Variants in FLRT2 observed in about 807,000 individuals in gnomAD.
FLRT2 encodes the protein fibronectin leucine rich transmembrane protein 2.
A neutral mutation model predicts 40.0 loss-of-function variants in FLRT2; 15 were observed. The observed-to-expected ratio is 0.38, with a 90% CI of 0.25 to 0.58. The LOEUF is 0.58. Among genes scored for constraint, FLRT2 ranks in the 20% least tolerant of loss-of-function variants. The pLI, the probability that FLRT2 is intolerant of heterozygous loss-of-function variation, is 0.71. For synonymous variants in FLRT2, 380 were observed against 336.8 expected (o/e 1.13, Z -1.41); for missense variants, 726 against 840.0 (o/e 0.86, Z 1.68).
intron 1 of FLRT2, among the ~76,000 whole-genome samples, chr14:85,558,163 T>G (rs866486336): frequency 2.4e-4 from 36 of 152,150 alleles, no homozygotes; most frequent in African/African-American, 8.2e-4. Flanking sequence ...GGAATATATG[T>G]GCATGTGCAT....
At chr14:85,531,103 T>A (rs1436364727) in intron 1 of FLRT2, 1 of 152,378 alleles carries the variant, frequency 6.6e-6, no homozygotes, top group Non-Finnish European at 1.5e-5. Context: ...ACCAAGTCCC[T>A]TCCAGCCCTG....
chr14:85,584,609 C>G (rs1891534445), intron 1 of FLRT2, among the ~76,000 whole-genome samples: 1 of 152,228 alleles, frequency 6.6e-6, no homozygotes, highest in South Asian at 2.1e-4. Context: ...GCCTCCATGC[C>G]TGCTCCTCTG....
Position 85,530,364 on chromosome 14 carries a change from G to C in FLRT2, c.-547G>C, listed in dbSNP as rs546450205. The C allele has an allele frequency of 7.7e-4, 117 of 152,742 alleles. No homozygotes were observed. The highest frequency in any genetic ancestry group is 2.5e-3 in the African/African-American group (105 of 41,574). The allele number at this position is 152,742 out of a possible 1,614,324, so 9.5% of individuals were successfully genotyped here. On this transcript the variant is annotated 5_prime_UTR_variant, in exon 1 of 2. Transcript: ENST00000330753. ...CGCCGCCGTGTCCACCGAGCCCTGGGATCAGGGTGGCAGTTCTCAACGATG... is the reference window on the plus strand; with the variant it reads ...CGCCGCCGTGTCCACCGAGCCCTGGCATCAGGGTGGCAGTTCTCAACGATG...
chr14:85,588,907 A>G (rs1419150264), intron 1 of FLRT2, among the ~76,000 whole-genome samples: 1 of 152,178 alleles, frequency 6.6e-6, no homozygotes, highest in Non-Finnish European at 1.5e-5. Flanking sequence ...TTCACTTAAC[A>G]TAGTGATCTC....
rs926783253 is a variant in FLRT2 at position 85,635,296 on chromosome 14, T to C, written c.*11799T>C. ...TGAGATAATTTATATCATCTTCACTTCAGTGGTTGGCATATATTCAAACCC... is the reference window on the plus strand; with the variant it reads ...TGAGATAATTTATATCATCTTCACTCCAGTGGTTGGCATATATTCAAACCC... On this transcript the variant is annotated 3_prime_UTR_variant, in exon 2 of 2. Transcript: ENST00000330753. The C allele has an allele frequency of 6.6e-6, 1 of 152,142 alleles. No homozygotes were observed. The highest frequency in any genetic ancestry group is 1.5e-5 in the Non-Finnish European group (1 of 68,020). 9.4% of individuals were successfully genotyped at this position (152,142 alleles called of 1,614,324 possible).
intron 1 of FLRT2, among the ~76,000 whole-genome samples, chr14:85,587,225 G>A (rs983888260): frequency 1.3e-5 from 2 of 151,042 alleles, no homozygotes; most frequent in African/African-American, 4.9e-5. Context: ...CAGGAAGTGG[G>A]CATGAGTAGG....
intron 1 of FLRT2, among the ~76,000 whole-genome samples, chr14:85,579,559 T>C (rs1396590589): frequency 6.6e-6 from 1 of 152,174 alleles, no homozygotes; most frequent in Non-Finnish European, 1.5e-5. Flanking sequence ...TATCTCGTTT[T>C]CCAGCCACTT....
rs1252432629 is a variant in FLRT2, at chr14:85,645,450, G to T, written c.*21953G>T. 6.6e-6 allele frequency: 1 copy of T among 152,024 alleles called. No homozygotes were observed. Among genetic ancestry groups the T allele is most frequent in the East Asian group, 1.9e-4 (1 of 5,158 alleles). The allele number at this position is 152,024 out of a possible 1,614,324, so 9.4% of individuals were successfully genotyped here. A position where few individuals can be genotyped will look rare whatever the true frequency, so the allele number is the denominator to read the frequency against. On this transcript the variant is annotated 3_prime_UTR_variant, in exon 2 of 2. Coordinates refer to ENST00000330753, the MANE Select transcript of FLRT2 (RefSeq NM_013231.6). ...CTTCAACCCATACCTGCTTCTCAGAGAAACTATAGAGAAGAGGAAACTTCC... is the reference window on the plus strand; with the variant it reads ...CTTCAACCCATACCTGCTTCTCAGATAAACTATAGAGAAGAGGAAACTTCC...
chr14:85,615,029 C>T (rs1374673337), intron 1 of FLRT2, among the ~76,000 whole-genome samples: 4 of 152,120 alleles, frequency 2.6e-5, no homozygotes, highest in African/African-American at 4.8e-5. Context: ...CTTTTACTAC[C>T]GGGGACCAAC....
chr14:85,628,585 C>T lies in FLRT2; in HGVS notation c.*5088C>T, dbSNP rs1310439786. 2.0e-5 allele frequency: 3 copies of T among 152,196 alleles called. No homozygotes were observed. The highest frequency in any genetic ancestry group is 6.5e-5 in the Admixed American group (1 of 15,274). 9.4% of individuals were successfully genotyped at this position (152,196 alleles called of 1,614,324 possible). A position where few individuals can be genotyped will look rare whatever the true frequency, so the allele number is the denominator to read the frequency against. Reference sequence around the variant, plus strand: ...ATGCTCAACTTCAATTGATTAGTCTCATATGATTTTTCAGAACCCCTTTTG... The same window carrying T: ...ATGCTCAACTTCAATTGATTAGTCTTATATGATTTTTCAGAACCCCTTTTG... On this transcript the variant is annotated 3_prime_UTR_variant, in exon 2 of 2. Transcript: ENST00000330753.
rs1893890475 is a variant in FLRT2 at position 85,632,091 on chromosome 14, G to C, written c.*8594G>C. On this transcript the variant is annotated 3_prime_UTR_variant, in exon 2 of 2. Transcript: ENST00000330753. Reference sequence around the variant, plus strand: ...TCCCCCCACCTAGGCCTCCCAAAGTGCTGGGATTACAGGTGTGAGCCACTG... The same window carrying C: ...TCCCCCCACCTAGGCCTCCCAAAGTCCTGGGATTACAGGTGTGAGCCACTG... 1 of 152,126 alleles carries C rather than the reference G, an allele frequency of 6.6e-6. No homozygotes were observed. Among genetic ancestry groups the C allele is most frequent in the African/African-American group, 2.4e-5 (1 of 41,412 alleles). The allele number at this position is 152,126 out of a possible 1,614,324, so 9.4% of individuals were successfully genotyped here.
intron 1 of FLRT2, among the ~76,000 whole-genome samples, chr14:85,602,312 CA>C (rs1892411845): frequency 6.6e-6 from 1 of 152,212 alleles, no homozygotes; most frequent in Non-Finnish European, 1.5e-5. Flanking sequence ...TTTGCTACCA[CA>C]ACCTTAGAAT....
chr14:85,554,124 G>T (rs558101600), intron 1 of FLRT2, among the ~76,000 whole-genome samples: 2 of 152,094 alleles, frequency 1.3e-5, no homozygotes, highest in African/African-American at 2.4e-5. Flanking sequence ...TTATTCAAAG[G>T]CTTTGTTACA....
intron 1 of FLRT2, among the ~76,000 whole-genome samples, chr14:85,610,302 A>C (rs2139350047): frequency 6.6e-6 from 1 of 152,268 alleles, no homozygotes; most frequent in East Asian, 1.9e-4. Context: ...TTCTGACAGA[A>C]GTTCAGAGCA....
chr14:85,567,424 A>G (rs1053942027), intron 1 of FLRT2, among the ~76,000 whole-genome samples: 2 of 152,090 alleles, frequency 1.3e-5, no homozygotes, highest in Non-Finnish European at 2.9e-5. Flanking sequence ...TATGCTGGTT[A>G]AGAGCATGGA....
At chr14:85,555,329 C>T (rs1002432767) in intron 1 of FLRT2, among the ~76,000 whole-genome samples, 1 of 152,108 alleles carries the variant, frequency 6.6e-6, no homozygotes, top group African/African-American at 2.4e-5. Context: ...ATAAAGACTA[C>T]CTGAGACTGG....
In FLRT2 at chr14:85,634,380, G is replaced by A. The variant is rs1396656455; in HGVS notation, c.*10883G>A. ...GACTAGTGTCTGTTTTGACTGGTAG[G>A]CCTCAGCTATCCTATTGCTAAGTAT... On this transcript the variant is annotated 3_prime_UTR_variant, in exon 2 of 2. Coordinates refer to ENST00000330753, the MANE Select transcript of FLRT2 (RefSeq NM_013231.6). 2.0e-5 allele frequency: 3 copies of A among 152,138 alleles called. No homozygotes were observed. The highest frequency in any genetic ancestry group is 7.2e-5 in the African/African-American group (3 of 41,436). The allele number at this position is 152,138 out of a possible 1,614,324, so 9.4% of individuals were successfully genotyped here.
At chr14:85,570,270 G>A (rs1890825820) in intron 1 of FLRT2, among the ~76,000 whole-genome samples, 2 of 152,118 alleles carry the variant, frequency 1.3e-5, no homozygotes, top group African/African-American at 4.8e-5. Context: ...TTCTATGTGA[G>A]GATATTGTAA....
In FLRT2 at chr14:85,622,785, G is replaced by C; in HGVS notation, c.1271G>C (p.Arg424Pro). 1 of 1,614,064 alleles carries C rather than the reference G, an allele frequency of 6.2e-7. No individual in the cohort carries two copies. The highest frequency in any genetic ancestry group is 1.3e-5 in the African/African-American group (1 of 75,016). ...AGAGTGACCCCACCTATTTCTGAAC[G>C]GATCCAGCTCTCTATCCATTTTGTG... ...RERVTPPISE[R>P]IQLSIHFVND... Residue 424 changes from arginine (R) to proline (P), a missense_variant, in exon 2 of 2, where the codon CGG (arginine) becomes CCG (proline). By Grantham distance (103) the Arg-to-Pro change is moderately radical (BLOSUM62 -2). Transcript: ENST00000330753.
Sources: gnomAD v4.1 joint callset for allele counts (sites outside exome capture counted in the v4.1 genomes callset) on GRCh38, gnomAD v4.1.1 for gene constraint, MANE v1.5 for transcripts, NCBI Gene and HGNC (gene_info 2026-07-23, HGNC 2026-07-21) for gene names.